Variants in PLEKHA5 observed in about 807,000 individuals in gnomAD.
PLEKHA5 encodes pleckstrin homology domain containing A5.
Under a neutral mutation model 181.9 loss-of-function variants are expected in PLEKHA5, and 55 were observed. That is an observed-to-expected ratio of 0.30 (90% CI 0.24 to 0.38). The LOEUF (loss-of-function observed/expected upper bound fraction) is 0.38. PLEKHA5 is among the 10% of genes least tolerant of loss of function. The probability of loss-of-function intolerance (pLI) is 1.00; values close to 1 mark genes in which losing one functional copy is unlikely to be tolerated. For missense variants in PLEKHA5, 1,432 were observed against 1,549.5 expected (o/e 0.92, Z 1.27); for synonymous variants, 535 against 529.4 (o/e 1.01, Z -0.15).
rs549378761 is a variant in PLEKHA5 at position 19,227,954 on chromosome 12, T to G, written c.228-25986T>G. Among the ~76,000 whole-genome samples, 33 of 152,306 alleles carry G rather than the reference T, an allele frequency of 2.2e-4. No individual in the cohort carries two copies. The East Asian group carries it at 5.0e-3, about 23-fold the overall frequency. ...AGTTCATATCACATCTCATTTTCTT[T>G]CATATTCATTTCTGTAGTCATTCAC... On this transcript the variant is annotated intron_variant, in intron 3 of 31. Coordinates refer to ENST00000429027, the MANE Select transcript of PLEKHA5 (RefSeq NM_001256470.2).
chr12:19,203,950 A>C (rs545108278), intron 3 of PLEKHA5, among the ~76,000 whole-genome samples: 1 of 152,074 alleles, frequency 6.6e-6, no homozygotes, highest in Non-Finnish European at 1.5e-5. Flanking sequence ...CTACAGAACT[A>C]CCGCACCCCC....
intron 3 of PLEKHA5, among the ~76,000 whole-genome samples, chr12:19,187,502 G>A (rs2050130626): frequency 6.6e-6 from 1 of 152,148 alleles, no homozygotes; most frequent in Admixed American, 6.5e-5. Flanking sequence ...TTGTTAGCAG[G>A]TGGCTTCAGT....
rs1300289355 is a variant in PLEKHA5, at chr12:19,359,354, A to T, written c.3349-58A>T. Reference sequence around the variant, plus strand: ...TTTTGAGAATTAACAGGCACTATTTATAAAATATACATGCATGCACAGTAT... The same window carrying T: ...TTTTGAGAATTAACAGGCACTATTTTTAAAATATACATGCATGCACAGTAT... On this transcript the variant is annotated intron_variant, in intron 27 of 31. Coordinates refer to ENST00000429027, the MANE Select transcript of PLEKHA5 (RefSeq NM_001256470.2). 4 of 1,448,856 alleles carry T rather than the reference A, an allele frequency of 2.8e-6. No individual in the cohort carries two copies. In the African/African-American group the frequency reaches 5.7e-5, roughly 21 times the overall value. The allele number at this position is 1,448,856 out of a possible 1,614,324, so 89.8% of individuals were successfully genotyped here.
Position 19,314,657 on chromosome 12 carries a change from T to C in PLEKHA5, c.2038-157T>C, listed in dbSNP as rs2087879132. On this transcript the variant is annotated intron_variant, in intron 15 of 31. Transcript: ENST00000429027. ...AGCGTTTAATACTTGTTTGAAATGGTTTATATGAATTAAATCTGTACAACC... is the reference window on the plus strand; with the variant it reads ...AGCGTTTAATACTTGTTTGAAATGGCTTATATGAATTAAATCTGTACAACC... 3 of 648,226 alleles carry C rather than the reference T, an allele frequency of 4.6e-6. No homozygotes were observed. The East Asian group carries it at 8.7e-5, about 19-fold the overall frequency. The allele number at this position is 648,226 out of a possible 1,614,324, so 40.2% of individuals were successfully genotyped here.
At chr12:19,181,709 G>A (rs1234934371) in intron 3 of PLEKHA5, among the ~76,000 whole-genome samples, 1 of 152,152 alleles carries the variant, frequency 6.6e-6, no homozygotes, top group Non-Finnish European at 1.5e-5. Flanking sequence ...CTGGGAGGCA[G>A]AGGTTACAGT....
At chr12:19,307,513 C>T in intron 15 of PLEKHA5, 1 of 308,126 alleles carries the variant, frequency 3.2e-6, no homozygotes. Context: ...GTACAAGAAG[C>T]ACACTGCCTA....
At chr12:19,301,879 A>G (rs1271444479) in intron 15 of PLEKHA5, among the ~76,000 whole-genome samples, 2 of 152,178 alleles carry the variant, frequency 1.3e-5, no homozygotes, top group Non-Finnish European at 2.9e-5. Flanking sequence ...TTCAATAGGT[A>G]GCATACCCTT....
At chr12:19,347,278 A>T (rs1427382810) in intron 24 of PLEKHA5, 96 bp downstream of exon 24, 20 of 567,708 alleles carry the variant, frequency 3.5e-5, no homozygotes, top group Admixed American at 1.5e-4. Context: ...TTTTTATTAT[A>T]ACCTTTATAA....
rs555566903 is a variant in PLEKHA5 at position 19,199,949 on chromosome 12, A to G, written c.228-53991A>G. On this transcript the variant is annotated intron_variant, in intron 3 of 31. Transcript: ENST00000429027. ...AGTGGAAGCTAAAAAAATGAATATCATGGAGGTCGACAGTGGAATGATGAC... is the reference window on the plus strand; with the variant it reads ...AGTGGAAGCTAAAAAAATGAATATCGTGGAGGTCGACAGTGGAATGATGAC... 3.9e-5 allele frequency among the ~76,000 whole-genome samples: 6 copies of G among 152,242 alleles called. No homozygotes were observed. In the South Asian group the frequency reaches 8.3e-4, roughly 21 times the overall value.
chr12:19,268,105 C>T (rs2152691270), intron 8 of PLEKHA5, among the ~76,000 whole-genome samples: 2 of 152,236 alleles, frequency 1.3e-5, no homozygotes, highest in East Asian at 3.9e-4. Context: ...GGAGTATCTT[C>T]ATAGTTAAAT....
chr12:19,294,434 A>G (rs903374526), intron 15 of PLEKHA5, among the ~76,000 whole-genome samples: 2 of 152,130 alleles, frequency 1.3e-5, no homozygotes, highest in African/African-American at 4.8e-5. Flanking sequence ...CACAAATTTG[A>G]GAGTAAATTA....
At chr12:19,208,227 G>T (rs375338033) in intron 3 of PLEKHA5, among the ~76,000 whole-genome samples, 316 of 149,006 alleles carry the variant, frequency 2.1e-3, no homozygotes, top group African/African-American at 3.7e-3. Flanking sequence ...GGCCAACATG[G>T]TGAAACCCTG....
intron 15 of PLEKHA5, among the ~76,000 whole-genome samples, chr12:19,313,577 T>C (rs2087390612): frequency 6.6e-6 from 1 of 152,180 alleles, no homozygotes; most frequent in African/African-American, 2.4e-5. Flanking sequence ...AACTAAAATT[T>C]GTCAATTTAT....
intron 3 of PLEKHA5, chr12:19,150,172 G>A (rs2151287668): frequency 6.6e-6 from 1 of 152,292 alleles, no homozygotes; most frequent in Non-Finnish European, 1.5e-5. Flanking sequence ...ACATGTGTGG[G>A]ATGACCCTCT....
chr12:19,345,280 G>T (rs1338711862), intron 22 of PLEKHA5, among the ~76,000 whole-genome samples: 1 of 151,622 alleles, frequency 6.6e-6, no homozygotes, highest in Non-Finnish European at 1.5e-5. Context: ...TGCACCTATA[G>T]TCCCAGCTGC....
chr12:19,148,384 G>A (rs1188284279), intron 3 of PLEKHA5, among the ~76,000 whole-genome samples: 1 of 152,188 alleles, frequency 6.6e-6, no homozygotes, highest in Non-Finnish European at 1.5e-5. Context: ...TAATACTCAG[G>A]CTCTGCAAAG....
At chr12:19,220,562 C>T (rs765861880) in intron 3 of PLEKHA5, among the ~76,000 whole-genome samples, 7 of 152,112 alleles carry the variant, frequency 4.6e-5, no homozygotes, top group Non-Finnish European at 1.0e-4. Flanking sequence ...CTATGGTGTG[C>T]ACTATTTCTA....
intron 3 of PLEKHA5, among the ~76,000 whole-genome samples, chr12:19,234,937 G>A (rs1465941513): frequency 6.6e-6 from 1 of 152,094 alleles, no homozygotes. Flanking sequence ...TCTGATTTAT[G>A]TTTTTTAAAG....
chr12:19,339,980 G>T (rs1157549179), intron 21 of PLEKHA5, among the ~76,000 whole-genome samples: 1 of 152,014 alleles, frequency 6.6e-6, no homozygotes, highest in East Asian at 1.9e-4. Context: ...TAGACCAATG[G>T]AACAGAATAG....
Sources: gnomAD v4.1 joint callset for allele counts (sites outside exome capture counted in the v4.1 genomes callset) on GRCh38, gnomAD v4.1.1 for gene constraint, MANE v1.5 for transcripts, NCBI Gene and HGNC (gene_info 2026-07-23, HGNC 2026-07-21) for gene names.